The following COL25A1 variants were observed in gnomAD, a reference collection of about 807,000 sequenced individuals.
COL25A1 encodes collagen alpha-1(XXV) chain.
COL25A1 carries 103 observed loss-of-function variants against 128.4 expected under a neutral mutation model. The observed-to-expected ratio is 0.80, with a 90% CI of 0.68 to 0.94. The LOEUF (loss-of-function observed/expected upper bound fraction) is 0.94. COL25A1 is among the 40% of genes least tolerant of loss of function. The pLI is 0.00. For missense variants in COL25A1, 745 were observed against 840.0 expected (o/e 0.89, Z 1.40); for synonymous variants, 279 against 277.2 (o/e 1.01, Z -0.06).
At chr4:109,155,361 C>T (rs990501345) in intron 3 of COL25A1, among the ~76,000 whole-genome samples, 2 of 152,174 alleles carry the variant, frequency 1.3e-5, no homozygotes, top group African/African-American at 4.8e-5. Context: ...CTTTTACAGT[C>T]ATAAATTACT....
At chr4:109,220,359 C>T (rs1778324034) in intron 3 of COL25A1, among the ~76,000 whole-genome samples, 1 of 152,156 alleles carries the variant, frequency 6.6e-6, no homozygotes, top group South Asian at 2.1e-4. Flanking sequence ...TTTATCTCAA[C>T]TGATAAGATA....
chr4:108,942,267 C>T, intron 8 of COL25A1: 1 of 1,550,210 alleles, frequency 6.5e-7, no homozygotes, highest in Non-Finnish European at 8.7e-7. Flanking sequence ...GCCTGGCAGG[C>T]CCTATGGACA....
At chr4:109,064,730 C>G (rs1293704758) in intron 3 of COL25A1, among the ~76,000 whole-genome samples, 1 of 152,154 alleles carries the variant, frequency 6.6e-6, no homozygotes, top group African/African-American at 2.4e-5. Context: ...ACTGGAGCTC[C>G]ATGTTTCCTT....
intron 3 of COL25A1, among the ~76,000 whole-genome samples, chr4:109,140,558 T>C (rs1262821983): frequency 1.3e-5 from 2 of 152,336 alleles, no homozygotes; most frequent in South Asian, 2.1e-4. Flanking sequence ...ATTCTTCCTA[T>C]CCATGAGCAT....
At chr4:109,229,858 CTT>C (rs1039157171) in intron 3 of COL25A1, among the ~76,000 whole-genome samples, 3 of 152,034 alleles carry the variant, frequency 2.0e-5, no homozygotes, top group African/African-American at 7.2e-5. Context: ...GATAGGGCAA[CTT>C]ATAAAAAAAG....
chr4:109,266,728 G>A (rs558915853), intron 3 of COL25A1, among the ~76,000 whole-genome samples: 2 of 151,632 alleles, frequency 1.3e-5, no homozygotes, highest in Admixed American at 6.6e-5. Flanking sequence ...ACATGAAAAC[G>A]TGGATACAAA....
chr4:109,054,271 C>T (rs1199016570), intron 3 of COL25A1, among the ~76,000 whole-genome samples: 1 of 152,210 alleles, frequency 6.6e-6, no homozygotes, highest in Non-Finnish European at 1.5e-5. Flanking sequence ...ACATGGAACA[C>T]AGAGTTAAAA....
chr4:109,012,919 A>G (rs1236773490), intron 5 of COL25A1, among the ~76,000 whole-genome samples: 1 of 152,216 alleles, frequency 6.6e-6, no homozygotes, highest in Non-Finnish European at 1.5e-5. Flanking sequence ...CACTAGGCGA[A>G]GCCAGCTGGG....
At chr4:109,120,826 A>G (rs1768043880) in intron 3 of COL25A1, among the ~76,000 whole-genome samples, 1 of 152,008 alleles carries the variant, frequency 6.6e-6, no homozygotes, top group Non-Finnish European at 1.5e-5. Context: ...AAAAAAAAAA[A>G]AATTCAAAAA....
At chr4:109,215,057 C>G (rs1777878420) in intron 3 of COL25A1, among the ~76,000 whole-genome samples, 1 of 152,130 alleles carries the variant, frequency 6.6e-6, no homozygotes. Context: ...AATCTTATTT[C>G]TGTACACTAA....
At chr4:108,899,661 A>T (rs1742584065) in intron 14 of COL25A1, among the ~76,000 whole-genome samples, 2 of 152,114 alleles carry the variant, frequency 1.3e-5, no homozygotes, top group Non-Finnish European at 2.9e-5. Flanking sequence ...TTGCCCTAAC[A>T]TGATCATAAA....
intron 3 of COL25A1, among the ~76,000 whole-genome samples, chr4:109,060,588 C>T (rs1460153155): frequency 6.6e-6 from 1 of 151,718 alleles, no homozygotes; most frequent in African/African-American, 2.4e-5. Flanking sequence ...ATTGTAGTGA[C>T]TTTTCACATC....
chr4:109,047,048 A>G (rs1760491012), intron 5 of COL25A1, among the ~76,000 whole-genome samples: 1 of 152,176 alleles, frequency 6.6e-6, no homozygotes, highest in Non-Finnish European at 1.5e-5. Context: ...AAGAAAAAAG[A>G]AAGTGAAACT....
chr4:109,273,141 A>C lies in COL25A1; in HGVS notation c.367+27442T>G, dbSNP rs117190106. ...TGAAAAGAGGTCCGATGCCACAAATAGTGTTACTTTCTTTGTAATCCACTA... is the reference window on the plus strand; with the variant it reads ...TGAAAAGAGGTCCGATGCCACAAATCGTGTTACTTTCTTTGTAATCCACTA... On this transcript the variant is annotated intron_variant, in intron 3 of 37. Coordinates refer to ENST00000399132, the MANE Select transcript of COL25A1 (RefSeq NM_198721.4). Among the ~76,000 whole-genome samples, 1,161 of 152,306 alleles carry C rather than the reference A, an allele frequency of 7.6e-3. 62 individuals are homozygous for C. In the South Asian group the frequency reaches 0.14, roughly 18 times the overall value.
intron 5 of COL25A1, among the ~76,000 whole-genome samples, chr4:109,047,730 T>C (rs1296246483): frequency 4.3e-5 from 1 of 23,488 alleles, no homozygotes; most frequent in Admixed American, 6.0e-4. Flanking sequence ...AGTATACTCT[T>C]TTTTTTTTTT....
intron 16 of COL25A1, 72 bp from the exon 17 acceptor site, chr4:108,889,805 C>A: frequency 1.5e-6 from 2 of 1,346,346 alleles, no homozygotes; most frequent in Admixed American, 1.7e-5. Context: ...CTCAGAGAGC[C>A]ATCACCAACA....
At chr4:109,081,642 AC>A (rs2125994968) in intron 3 of COL25A1, among the ~76,000 whole-genome samples, 1 of 152,070 alleles carries the variant, frequency 6.6e-6, no homozygotes, top group East Asian at 1.9e-4. Flanking sequence ...TTAGCTATCA[AC>A]CCCTAAACCC....
intron 3 of COL25A1, among the ~76,000 whole-genome samples, chr4:109,125,821 G>C (rs1490909396): frequency 6.6e-6 from 1 of 152,100 alleles, no homozygotes; most frequent in Admixed American, 6.6e-5. Flanking sequence ...CAGAAAGAAA[G>C]AGTGACATGA....
intron 11 of COL25A1, among the ~76,000 whole-genome samples, chr4:108,932,610 T>C (rs749523756): frequency 6.6e-6 from 1 of 152,190 alleles, no homozygotes; most frequent in Non-Finnish European, 1.5e-5. Context: ...GGAAAGTGAT[T>C]TGGTTTTTGA....
Sources: gnomAD v4.1 joint callset for allele counts (sites outside exome capture counted in the v4.1 genomes callset) on GRCh38, gnomAD v4.1.1 for gene constraint, MANE v1.5 for transcripts, NCBI Gene and HGNC (gene_info 2026-07-23, HGNC 2026-07-21) for gene names.